DLGAP2: variants seen among roughly 807,000 people sequenced by gnomAD.
The protein encoded by DLGAP2 is disks large-associated protein 2.
In DLGAP2, 26 loss-of-function variants were observed where a neutral mutation model predicts 100.3. The ratio of observed to expected loss-of-function variants is 0.26; its 90% CI spans 0.19 to 0.36. The LOEUF (loss-of-function observed/expected upper bound fraction) is 0.36, where lower values mean the gene tolerates loss of function less well. Ranked by LOEUF, DLGAP2 falls within the 10% of genes least tolerant of loss-of-function variation. The pLI is 1.00. For missense variants in DLGAP2, 1,858 were observed against 1,453.2 expected, an observed-to-expected ratio of 1.28 and a Z score of -4.53; for synonymous variants, 886 against 630.1, an observed-to-expected ratio of 1.41 and a Z score of -6.08.
intron 1 of DLGAP2, among the ~76,000 whole-genome samples, chr8:777,151 T>C (rs1821543702): frequency 6.6e-6 from 1 of 152,220 alleles, no homozygotes; most frequent in Non-Finnish European, 1.5e-5. Flanking sequence ...AAGTCTGCTT[T>C]ATCAGAGACT....
At chr8:1,344,176 G>GCTGTCGTGGGTCCATGTATTCGGGGCC (rs1801499508) in intron 3 of DLGAP2, among the ~76,000 whole-genome samples, 1 of 31,390 alleles carries the variant, frequency 3.2e-5, no homozygotes, top group Non-Finnish European at 6.4e-5. Flanking sequence ...TACTCGGGGC[G>GCTGTCGTGGGTCCATGTATTCGGGGCC]CTGTCGTGGG....
Position 831,367 on chromosome 8 carries a change from C to T in DLGAP2, c.19-76545C>T, listed in dbSNP as rs528401545. Among the ~76,000 whole-genome samples, 34 of 90,570 alleles carry T rather than the reference C, an allele frequency of 3.8e-4. No homozygotes were observed. The East Asian group carries it at 6.2e-3, about 17-fold the overall frequency. The allele number at this position is 90,570 out of a possible 152,430, so 59.4% of individuals were successfully genotyped here. A position where few individuals can be genotyped will look rare whatever the true frequency, so the allele number is the denominator to read the frequency against. On this transcript the variant is annotated intron_variant, in intron 1 of 14. Transcript: ENST00000637795. ...TCTCCTAATGCTATCCCTACCCCAG[C>T]CCCCCATCCCGCAACAGGCCCCAGT...
intron 2 of DLGAP2, among the ~76,000 whole-genome samples, chr8:1,070,743 A>G (rs928799777): frequency 6.6e-6 from 1 of 152,174 alleles, no homozygotes; most frequent in African/African-American, 2.4e-5. Flanking sequence ...TCCCTCAGCT[A>G]GTATTTGGAA....
chr8:1,298,267 T>A (rs1800238866), intron 3 of DLGAP2, among the ~76,000 whole-genome samples: 1 of 152,072 alleles, frequency 6.6e-6, no homozygotes, highest in African/African-American at 2.4e-5. Context: ...CAAGTAAAAG[T>A]CATATAATTG....
At chr8:955,386 C>T (rs928309033) in intron 2 of DLGAP2, among the ~76,000 whole-genome samples, 6 of 152,150 alleles carry the variant, frequency 3.9e-5, no homozygotes, top group Admixed American at 3.3e-4. Context: ...TTTCCACCCA[C>T]TGGAATCTTG....
intron 3 of DLGAP2, among the ~76,000 whole-genome samples, chr8:1,448,494 G>C (rs960869944): frequency 6.6e-6 from 1 of 152,074 alleles, no homozygotes; most frequent in Non-Finnish European, 1.5e-5. Context: ...GCTGAGGAGA[G>C]CTTTACTTCC....
At chr8:1,624,510 A>G (rs1025303454) in intron 6 of DLGAP2, among the ~76,000 whole-genome samples, 8 of 151,906 alleles carry the variant, frequency 5.3e-5, no homozygotes, top group Non-Finnish European at 8.8e-5. Flanking sequence ...GAGTCCACGC[A>G]TCCATCAACC....
intron 3 of DLGAP2, among the ~76,000 whole-genome samples, chr8:1,437,041 G>C (rs903082110): frequency 6.6e-6 from 1 of 151,616 alleles, no homozygotes; most frequent in Non-Finnish European, 1.5e-5. Flanking sequence ...CAGCCCAGGC[G>C]CGTAAGGGTG....
At chr8:1,118,516 A>G (rs1183633615) in intron 2 of DLGAP2, among the ~76,000 whole-genome samples, 1 of 152,170 alleles carries the variant, frequency 6.6e-6, no homozygotes, top group African/African-American at 2.4e-5. Context: ...GCATCAGGAA[A>G]AGAAGCTAAA....
intron 4 of DLGAP2, among the ~76,000 whole-genome samples, chr8:1,503,125 C>T (rs77450589): frequency 6.6e-6 from 1 of 152,282 alleles, no homozygotes; most frequent in East Asian, 1.9e-4. Context: ...TTGGTGAAGG[C>T]TGGATTGTAG....
chr8:1,140,728 T>A (rs540011732), intron 2 of DLGAP2, among the ~76,000 whole-genome samples: 2 of 152,268 alleles, frequency 1.3e-5, no homozygotes, highest in South Asian at 2.1e-4. Context: ...TCCCAGCACT[T>A]TGGGAGGCTG....
At chr8:763,785 G>C (rs1821145162) in intron 1 of DLGAP2, among the ~76,000 whole-genome samples, 1 of 152,088 alleles carries the variant, frequency 6.6e-6, no homozygotes, top group African/African-American at 2.4e-5. Context: ...GATACTTGGT[G>C]GTAGAATTTA....
chr8:1,038,288 T>C (rs1187738272), intron 2 of DLGAP2, among the ~76,000 whole-genome samples: 1 of 152,226 alleles, frequency 6.6e-6, no homozygotes, highest in Non-Finnish European at 1.5e-5. Flanking sequence ...AGAACCTTTT[T>C]TCCTTCCAAG....
chr8:829,737 A>G (rs1433601188), intron 1 of DLGAP2, among the ~76,000 whole-genome samples: 1 of 152,182 alleles, frequency 6.6e-6, no homozygotes, highest in Non-Finnish European at 1.5e-5. Flanking sequence ...TACTTTCCAT[A>G]TTTTCTATGT....
chr8:1,416,751 G>T (rs915660067), intron 3 of DLGAP2, among the ~76,000 whole-genome samples: 4 of 152,204 alleles, frequency 2.6e-5, no homozygotes, highest in Admixed American at 6.5e-5. Flanking sequence ...AATCGGACGT[G>T]TTGGCTGCTT....
chr8:1,540,775 T>A (rs138814927), intron 4 of DLGAP2, among the ~76,000 whole-genome samples: 19 of 152,374 alleles, frequency 1.2e-4, no homozygotes, highest in African/African-American at 4.3e-4. Flanking sequence ...TCTGGAAATA[T>A]GAAATATGGC....
chr8:1,305,504 G>T (rs1250697895), intron 3 of DLGAP2, among the ~76,000 whole-genome samples: 3 of 152,170 alleles, frequency 2.0e-5, no homozygotes, highest in Non-Finnish European at 4.4e-5. Context: ...GTGTCTTTCT[G>T]TTCTGTCTGG....
chr8:899,905 C>T (rs988205171), intron 1 of DLGAP2, among the ~76,000 whole-genome samples: 2 of 152,178 alleles, frequency 1.3e-5, no homozygotes, highest in Non-Finnish European at 2.9e-5. Context: ...GACTGTGGGA[C>T]GCCCCGTGGG....
chr8:1,059,510 C>T (rs574766717), intron 2 of DLGAP2, among the ~76,000 whole-genome samples: 14 of 152,280 alleles, frequency 9.2e-5, no homozygotes, highest in African/African-American at 2.6e-4. Context: ...GAGCAGAGCA[C>T]GTGGTGTGTG....
Sources: gnomAD v4.1 joint callset for allele counts (sites outside exome capture counted in the v4.1 genomes callset) on GRCh38, gnomAD v4.1.1 for gene constraint, MANE v1.5 for transcripts, NCBI Gene and HGNC (gene_info 2026-07-23, HGNC 2026-07-21) for gene names.